The following BACH2 variants were observed in gnomAD, a reference collection of about 807,000 sequenced individuals.
The protein encoded by BACH2 is BACH transcriptional regulator 2.
Under a neutral mutation model 61.8 loss-of-function variants are expected in BACH2, and 5 were observed. The observed-to-expected ratio is 0.08, with a 90% confidence interval of 0.04 to 0.17. The LOEUF is 0.17. BACH2 is among the 10% of genes least tolerant of loss of function. The pLI, the probability that BACH2 is intolerant of heterozygous loss-of-function variation, is 1.00. For synonymous variants in BACH2, 446 were observed against 440.1 expected, an observed-to-expected ratio of 1.01 and a Z score of -0.17; for missense variants, 824 against 1,091.1, an observed-to-expected ratio of 0.76 and a Z score of 3.45.
chr6:90,054,733 G>C (rs923506656), intron 5 of BACH2, among the ~76,000 whole-genome samples: 1 of 152,142 alleles, frequency 6.6e-6, no homozygotes, highest in Non-Finnish European at 1.5e-5. Flanking sequence ...CAGTAGAGGC[G>C]GGCTGACACC....
chr6:90,063,801 T>G (rs1037134326), intron 5 of BACH2, among the ~76,000 whole-genome samples: 13 of 152,344 alleles, frequency 8.5e-5, no homozygotes, highest in Admixed American at 2.6e-4. Context: ...TGGATACCGA[T>G]AGATATCTGA....
intron 8 of BACH2, among the ~76,000 whole-genome samples, chr6:89,937,364 T>C (rs1233062831): frequency 6.6e-6 from 1 of 152,166 alleles, no homozygotes; most frequent in Non-Finnish European, 1.5e-5. Flanking sequence ...ATTCAAGTTC[T>C]ACCAAGTACT....
intron 5 of BACH2, among the ~76,000 whole-genome samples, chr6:90,057,267 G>A (rs573550334): frequency 9.6e-4 from 146 of 152,054 alleles, no homozygotes; most frequent in African/African-American, 3.2e-3. Context: ...TCAAATAGAC[G>A]CAATAAAAAA....
chr6:89,939,652 ATTTCTTTTTT>A (rs1773283877), intron 7 of BACH2, among the ~76,000 whole-genome samples: 1 of 85,918 alleles, frequency 1.2e-5, no homozygotes, highest in South Asian at 3.7e-4. Context: ...GATTGCTTAT[ATTTCTTTTTT>A]TTTTTTTTTT....
chr6:90,071,965 A>C (rs1425667173), intron 5 of BACH2, among the ~76,000 whole-genome samples: 1 of 152,062 alleles, frequency 6.6e-6, no homozygotes, highest in African/African-American at 2.4e-5. Flanking sequence ...GAGGAAGAAG[A>C]GGGATTGGTC....
intron 1 of BACH2, among the ~76,000 whole-genome samples, chr6:90,274,436 C>A (rs543838799): frequency 6.6e-6 from 1 of 152,308 alleles, no homozygotes; most frequent in South Asian, 2.1e-4. Flanking sequence ...TAAACCTCAA[C>A]AGGCAAGTCA....
At chr6:89,995,435 T>C (rs1271146244) in intron 6 of BACH2, among the ~76,000 whole-genome samples, 2 of 152,264 alleles carry the variant, frequency 1.3e-5, no homozygotes, top group Non-Finnish European at 2.9e-5. Flanking sequence ...GGTATTGTAT[T>C]TCATGAATAT....
chr6:90,259,797 G>T (rs1224508419), intron 2 of BACH2, among the ~76,000 whole-genome samples: 1 of 152,010 alleles, frequency 6.6e-6, no homozygotes, highest in South Asian at 2.1e-4. Context: ...ATCCTGGTAG[G>T]TTGTATTTTC....
chr6:90,049,055 C>T (rs2127793884), intron 5 of BACH2, among the ~76,000 whole-genome samples: 1 of 152,246 alleles, frequency 6.6e-6, no homozygotes, highest in African/African-American at 2.4e-5. Flanking sequence ...CAAAAAATAG[C>T]TAGTTGCAGC....
rs144608079 is a variant in BACH2 at position 90,085,971 on chromosome 6, GAAC to G, written c.-13+2987_-13+2989del. Among the ~76,000 whole-genome samples the G allele has an allele frequency of 5.8e-3, 882 of 152,136 alleles. 49 individuals carry two copies. In the East Asian group the frequency reaches 0.13, roughly 23 times the overall value. On this transcript the variant is annotated intron_variant, in intron 5 of 8. Transcript: ENST00000257749. ...CCCAAACTGATACTTAATATCCATTGAACAACAACTTTCAATTTTTCCATCCTC... is the reference window on the plus strand; with the variant it reads ...CCCAAACTGATACTTAATATCCATTGAACAACTTTCAATTTTTCCATCCTC...
At chr6:90,081,119 G>A (rs901951475) in intron 5 of BACH2, among the ~76,000 whole-genome samples, 1 of 152,162 alleles carries the variant, frequency 6.6e-6, no homozygotes, top group Non-Finnish European at 1.5e-5. Context: ...TTAGGTTAGA[G>A]AAAGTTAATC....
At chr6:90,073,164 C>G (rs1305041639) in intron 5 of BACH2, among the ~76,000 whole-genome samples, 1 of 152,196 alleles carries the variant, frequency 6.6e-6, no homozygotes, top group East Asian at 1.9e-4. Flanking sequence ...TATTCTTGCT[C>G]GAGAACAATG....
chr6:90,276,773 G>T (rs555656146), intron 1 of BACH2, among the ~76,000 whole-genome samples: 19 of 151,806 alleles, frequency 1.3e-4, no homozygotes, highest in African/African-American at 4.6e-4. Flanking sequence ...TTATACCCTG[G>T]GACAATGGTC....
Position 90,054,938 on chromosome 6 carries a change from A to G in BACH2, c.-13+34023T>C, listed in dbSNP as rs1195579155. Among the ~76,000 whole-genome samples, 4 of 152,236 alleles carry G rather than the reference A, an allele frequency of 2.6e-5. No individual in the cohort carries two copies. The East Asian group carries it at 7.7e-4, about 29-fold the overall frequency. On this transcript the variant is annotated intron_variant, in intron 5 of 8. Coordinates refer to ENST00000257749, the MANE Select transcript of BACH2 (RefSeq NM_021813.4). ...CTGTCTGTTAGAAGGAAAACTAACAAACGGAAAGGACATCCACACCAAAAA... is the reference window on the plus strand; with the variant it reads ...CTGTCTGTTAGAAGGAAAACTAACAGACGGAAAGGACATCCACACCAAAAA...
chr6:90,054,347 G>A (rs1156767225), intron 5 of BACH2, among the ~76,000 whole-genome samples: 9 of 152,214 alleles, frequency 5.9e-5, no homozygotes, highest in East Asian at 1.9e-4. Context: ...AGGGTCCTAC[G>A]CCCATGGAGT....
intron 6 of BACH2, among the ~76,000 whole-genome samples, chr6:89,971,280 G>A (rs995927757): frequency 6.6e-6 from 1 of 152,176 alleles, no homozygotes; most frequent in Non-Finnish European, 1.5e-5. Context: ...CTGAGAACAA[G>A]GTAATGACAC....
At chr6:90,159,830 C>T (rs1297411500) in intron 4 of BACH2, among the ~76,000 whole-genome samples, 1 of 152,088 alleles carries the variant, frequency 6.6e-6, no homozygotes, top group Non-Finnish European at 1.5e-5. Context: ...TATTTTGTTC[C>T]TTTTGAATTT....
At chr6:90,279,572 C>T (rs1161885653) in intron 1 of BACH2, among the ~76,000 whole-genome samples, 1 of 151,860 alleles carries the variant, frequency 6.6e-6, no homozygotes, top group African/African-American at 2.4e-5. Flanking sequence ...ATAAAGCCCT[C>T]TGTCATACAT....
chr6:90,069,227 C>T (rs1198146526), intron 5 of BACH2, among the ~76,000 whole-genome samples: 1 of 152,128 alleles, frequency 6.6e-6, no homozygotes. Flanking sequence ...GGACTTGGTT[C>T]CTGAACACTG....
Sources: gnomAD v4.1 joint callset for allele counts (sites outside exome capture counted in the v4.1 genomes callset) on GRCh38, gnomAD v4.1.1 for gene constraint, MANE v1.5 for transcripts, NCBI Gene and HGNC (gene_info 2026-07-23, HGNC 2026-07-21) for gene names.